The following DIS3L variants were observed in gnomAD, a reference collection of about 807,000 sequenced individuals.
The protein encoded by DIS3L is DIS3 like exosome 3'-5' exoribonuclease, also known as DIS3-like exonuclease 1.
In DIS3L, 100 loss-of-function variants were observed where a neutral mutation model predicts 120.3. The ratio of observed to expected loss-of-function variants is 0.83; its 90% CI spans 0.71 to 0.98. The LOEUF (loss-of-function observed/expected upper bound fraction) is 0.98, where lower values mean the gene tolerates loss of function less well. Among genes scored for constraint, DIS3L ranks in the 50% least tolerant of loss-of-function variants. The pLI, the probability that DIS3L is intolerant of heterozygous loss-of-function variation, is 0.00. For synonymous variants in DIS3L, 426 were observed against 470.6 expected, an observed-to-expected ratio of 0.91 and a Z score of 1.23; for missense variants, 1,196 against 1,314.2, an observed-to-expected ratio of 0.91 and a Z score of 1.39.
At chr15:66,332,523 T>G (rs79994682) in intron 15 of DIS3L, among the ~76,000 whole-genome samples, 1 of 149,114 alleles carries the variant, frequency 6.7e-6, no homozygotes, top group African/African-American at 2.5e-5. Flanking sequence ...TGTATATATA[T>G]ACACACACAC....
intron 1 of DIS3L, chr15:66,294,382 G>C (rs563395198): frequency 2.0e-6 from 2 of 985,626 alleles, no homozygotes; most frequent in African/African-American, 3.5e-5. Flanking sequence ...TCCCCCATGG[G>C]AGGATGAGAA....
At chr15:66,316,800 G>T (rs553418786) in intron 7 of DIS3L, among the ~76,000 whole-genome samples, 1 of 152,300 alleles carries the variant, frequency 6.6e-6, no homozygotes, top group South Asian at 2.1e-4. Context: ...GGGCAAGAGA[G>T]CAAGACATTG....
rs1177220596 is a variant in DIS3L, at chr15:66,326,217, T to C, written c.2054T>C (p.Met685Thr). The C allele has an allele frequency of 1.9e-6, 3 of 1,614,124 alleles. No individual in the cohort carries two copies. Among genetic ancestry groups the C allele is most frequent in the Non-Finnish European group, 2.5e-6 (3 of 1,180,054 alleles). ...LEVHETVAEC[M>T]ILANHWVAKK... Reference sequence around the variant, plus strand: ...GTCCACGAGACAGTGGCTGAATGCATGATCCTGGCCAACCACTGGGTCGCC... The same window carrying C: ...GTCCACGAGACAGTGGCTGAATGCACGATCCTGGCCAACCACTGGGTCGCC... The change falls in exon 12 of 17, where the codon ATG becomes ACG. Residue 685 changes from methionine to threonine, a missense_variant. Physicochemically the swap from Met to Thr is moderately conservative, Grantham distance 81. Transcript: ENST00000319212.
chr15:66,329,345 G>A lies in DIS3L; in HGVS notation c.2481G>A (p.Leu827=). 6.2e-7 allele frequency: 1 copy of A among 1,613,934 alleles called. No homozygotes were observed. Among genetic ancestry groups the A allele is most frequent in the Non-Finnish European group, 8.5e-7 (1 of 1,179,984 alleles). The change falls in exon 14 of 17, where the codon CTG becomes CTA. Residue 827 remains leucine (L), a synonymous_variant. Transcript: ENST00000319212. The stretch of plus-strand genomic sequence containing the variant: ...AGAAAATGGAAATTAAGGGAAATCT[G>A]TTCAGCAACAAAGATCTTGAGGAAT... The part of the protein sequence containing the change: ...KDKKMEIKGN[L]FSNKDLEELC...
chr15:66,304,824 G>A (rs561428915), intron 2 of DIS3L, among the ~76,000 whole-genome samples: 17 of 146,270 alleles, frequency 1.2e-4, no homozygotes, highest in Non-Finnish European at 2.4e-4. Flanking sequence ...TCACTTGAAC[G>A]TGGGAGGCAG....
intron 2 of DIS3L, among the ~76,000 whole-genome samples, chr15:66,300,994 G>A (rs1231787329): frequency 6.6e-6 from 1 of 152,200 alleles, no homozygotes; most frequent in African/African-American, 2.4e-5. Flanking sequence ...CAAAATCCAG[G>A]TGATGAAACA....
intron 2 of DIS3L, among the ~76,000 whole-genome samples, chr15:66,302,100 G>T (rs1021348964): frequency 1.3e-5 from 2 of 152,124 alleles, no homozygotes; most frequent in African/African-American, 4.8e-5. Flanking sequence ...GGTCTGCACG[G>T]TGGCTCACGC....
chr15:66,327,771 C>G (rs2140408535), intron 12 of DIS3L, among the ~76,000 whole-genome samples: 1 of 151,628 alleles, frequency 6.6e-6, no homozygotes, highest in South Asian at 2.1e-4. Flanking sequence ...TAAATAAAAA[C>G]TAAGTATAGG....
chr15:66,293,511 G>A, upstream of DIS3L: 2 of 1,254,682 alleles, frequency 1.6e-6, no homozygotes, highest in Non-Finnish European at 2.0e-6. Flanking sequence ...CGGAGCCGCG[G>A]CGCCTAGGGC....
chr15:66,320,874 T>C (rs576942249), intron 9 of DIS3L, 142 bp downstream of exon 9: 1 of 1,090,802 alleles, frequency 9.2e-7, no homozygotes, highest in South Asian at 1.6e-5. Flanking sequence ...CTCAATCCTC[T>C]TTATTCTATA....
intron 8 of DIS3L, 136 bp from the exon 9 acceptor site, chr15:66,320,435 C>G: frequency 2.3e-6 from 2 of 883,024 alleles, no homozygotes; most frequent in East Asian, 3.0e-5. Flanking sequence ...AAAAAAAACC[C>G]TACCATACAC....
chr15:66,326,589 A>G (rs1436210458), intron 12 of DIS3L: 3 of 507,524 alleles, frequency 5.9e-6, no homozygotes, highest in Non-Finnish European at 6.8e-6. Context: ...TTTTGTTTCA[A>G]TTTTTTTTTA....
intron 3 of DIS3L, among the ~76,000 whole-genome samples, chr15:66,307,848 C>G (rs2140344598): frequency 6.6e-6 from 1 of 152,226 alleles, no homozygotes; most frequent in East Asian, 1.9e-4. Context: ...AACGAAGACT[C>G]CATCAGTGCT....
At chr15:66,314,261 G>T in intron 6 of DIS3L, 144 bp downstream of exon 6, 1 of 552,162 alleles carries the variant, frequency 1.8e-6, no homozygotes, top group Non-Finnish European at 2.9e-6. Flanking sequence ...TTGTGGCGGG[G>T]GGTGGTTCCC....
chr15:66,295,905 ATGT>A (rs2092581705), intron 2 of DIS3L, among the ~76,000 whole-genome samples: 1 of 152,234 alleles, frequency 6.6e-6, no homozygotes. Flanking sequence ...CTTTTTTAAA[ATGT>A]TGTGGTTTCT....
In DIS3L at chr15:66,295,017, C is replaced by T. The variant is rs761805530; in HGVS notation, c.169C>T (p.His57Tyr). The T allele has an allele frequency of 9.3e-6, 15 of 1,613,736 alleles. No homozygotes were observed. Among genetic ancestry groups the T allele is most frequent in the Non-Finnish European group, 1.1e-5 (13 of 1,179,842 alleles). The change falls in exon 2 of 17, where the codon CAT becomes TAT. Residue 57 changes from histidine to tyrosine, a missense_variant. Transcript: ENST00000319212. Reference sequence around the variant, plus strand: ...GAAACTCTTGTCTAGTGATGTGACTCATTACGTGATCCCAGACTGGAAAGT... The same window carrying T: ...GAAACTCTTGTCTAGTGATGTGACTTATTACGTGATCCCAGACTGGAAAGT... ...DGKLLSSDVT[H>Y]YVIPDWKVVQ...
intron 4 of DIS3L, among the ~76,000 whole-genome samples, chr15:66,310,525 T>A (rs566501938): frequency 1.3e-5 from 2 of 152,286 alleles, no homozygotes; most frequent in African/African-American, 4.8e-5. Context: ...AAGCCTAGAA[T>A]TCTCTGTGGG....
chr15:66,314,765 T>C (rs953957283), intron 6 of DIS3L: 2 of 339,536 alleles, frequency 5.9e-6, no homozygotes, highest in Non-Finnish European at 1.1e-5. Context: ...AGGGAACTAA[T>C]ACCTTTTTAA....
At position 66,322,701 on chromosome 15, in the gene DIS3L, A is replaced by G. The variant is rs375573302; in HGVS notation, c.1341A>G (p.Pro447=). The change falls in exon 10 of 17, where the codon CCA becomes CCG. Residue 447 remains proline, a synonymous_variant. Transcript: ENST00000319212. The part of the protein sequence containing the change: ...PFSEAQMCEM[P]VNTPESPWKV... ...TTCTCATACAGATGTGTGAGATGCC[A>G]GTAAACACACCAGAAAGTCCCTGGA... The G allele has an allele frequency of 4.3e-6, 7 of 1,614,100 alleles. No individual in the cohort carries two copies. The African/African-American group carries it at 9.3e-5, about 22-fold the overall frequency.
Sources: allele counts gnomAD v4.1 joint callset (sites outside exome capture counted in the v4.1 genomes callset), GRCh38; gene constraint gnomAD v4.1.1; transcripts MANE v1.5; gene names NCBI Gene and HGNC (gene_info 2026-07-23, HGNC 2026-07-21).